Variants in COX7C observed in about 807,000 individuals in gnomAD.
The protein encoded by COX7C is cytochrome c oxidase subunit 7C.
In COX7C, 1 loss-of-function variant was observed where a neutral mutation model predicts 6.4. The observed-to-expected ratio is 0.16, with a 90% CI of 0.06 to 0.74. COX7C has a LOEUF of 0.74. Ranked by LOEUF, COX7C falls within the 30% of genes least tolerant of loss-of-function variation. COX7C has a pLI of 0.78. For synonymous variants in COX7C, 24 were observed against 28.9 expected, an observed-to-expected ratio of 0.83 and a Z score of 0.54; for missense variants, 54 against 73.7, an observed-to-expected ratio of 0.73 and a Z score of 0.98.
chr5:86,617,968 A>G lies in COX7C; in HGVS notation c.-88A>G, dbSNP rs1448899556. On this transcript the variant is annotated 5_prime_UTR_variant, in exon 1 of 3. Coordinates refer to ENST00000247655, the MANE Select transcript of COX7C (RefSeq NM_001867.3). ...TTTCAGTCCTTGCGCACCGGGGAAC[A>G]AGGTCGTGAAAAAAAAGGTCTTGGT... 9 of 1,236,404 alleles carry G rather than the reference A, an allele frequency of 7.3e-6. No homozygotes were observed. Among genetic ancestry groups the G allele is most frequent in the African/African-American group, 3.0e-5 (2 of 67,338 alleles). 76.6% of individuals were successfully genotyped at this position (1,236,404 alleles called of 1,614,324 possible). A position where few individuals can be genotyped will look rare whatever the true frequency, so the allele number is the denominator to read the frequency against.
Position 86,617,971 on chromosome 5 carries a change from G to T in COX7C, c.-85G>T. The T allele has an allele frequency of 7.8e-7, 1 of 1,281,846 alleles. No individual in the cohort carries two copies. Among genetic ancestry groups the T allele is most frequent in the South Asian group, 1.2e-5 (1 of 82,104 alleles). 79.4% of individuals were successfully genotyped at this position (1,281,846 alleles called of 1,614,324 possible). A position where few individuals can be genotyped will look rare whatever the true frequency, so the allele number is the denominator to read the frequency against. On this transcript the variant is annotated 5_prime_UTR_variant, in exon 1 of 3. Coordinates refer to ENST00000247655, the MANE Select transcript of COX7C (RefSeq NM_001867.3). ...CAGTCCTTGCGCACCGGGGAACAAG[G>T]TCGTGAAAAAAAAGGTCTTGGTGAG...
chr5:86,619,336 CTCT>C lies in COX7C; in HGVS notation c.76-15_76-13del, dbSNP rs1406881781. ...TGAGATTCAATTTCGATTACTTTTT[CTCT>C]TTTTTTCCAACAGAATTTGCCATTT... On this transcript the variant is annotated splice_polypyrimidine_tract_variant and intron_variant, in intron 1 of 2. Transcript: ENST00000247655. The C allele has an allele frequency of 2.7e-6, 4 of 1,483,800 alleles. No homozygotes were observed. Among genetic ancestry groups the C allele is most frequent in the Middle Eastern group, 2.3e-4 (1 of 4,424 alleles). 91.9% of individuals were successfully genotyped at this position (1,483,800 alleles called of 1,614,324 possible).
chr5:86,618,769 A>G (rs1750055604), intron 1 of COX7C, among the ~76,000 whole-genome samples: 1 of 152,170 alleles, frequency 6.6e-6, no homozygotes. Context: ...ACCTGAGGTC[A>G]GGAGTTCCAG....
At chr5:86,618,568 G>A (rs771560503) in intron 1 of COX7C, among the ~76,000 whole-genome samples, 9 of 152,198 alleles carry the variant, frequency 5.9e-5, no homozygotes, top group Non-Finnish European at 1.0e-4. Context: ...CTTCACCTCA[G>A]TTAAGGCTGG....
chr5:86,619,437 C>A lies in COX7C; in HGVS notation c.160C>A (p.Leu54Ile). The A allele has an allele frequency of 1.2e-6, 2 of 1,612,522 alleles. No homozygotes were observed. The highest frequency in any genetic ancestry group is 1.7e-6 in the Non-Finnish European group (2 of 1,178,598). Residue 54 changes from leucine to isoleucine, a missense_variant, in exon 2 of 3, where the codon CTT becomes ATT. Leu to Ile is a conservative substitution (Grantham distance 5). Transcript: ENST00000247655. ...YFGSAFATPF[L>I]VVRHQLLKT Reference sequence around the variant, plus strand: ...TGGATCTGCATTTGCTACACCCTTCCTTGTAGTAAGACACCAACTGCTTAA... The same window carrying A: ...TGGATCTGCATTTGCTACACCCTTCATTGTAGTAAGACACCAACTGCTTAA...
At chr5:86,618,353 C>A in intron 1 of COX7C, 1 of 516,386 alleles carries the variant, frequency 1.9e-6, no homozygotes, top group Non-Finnish European at 3.5e-6. Context: ...GCCCTGCCTC[C>A]ATCAGCCACC....
Position 86,619,466 on chromosome 5 carries a change from A to G in COX7C, c.189A>G (p.Thr63=). The G allele has an allele frequency of 6.3e-7, 1 of 1,592,194 alleles. No individual in the cohort carries two copies. Among genetic ancestry groups the G allele is most frequent in the Non-Finnish European group, 8.6e-7 (1 of 1,160,004 alleles). Residue 63 remains threonine, a synonymous_variant, in exon 2 of 3, where the codon ACA becomes ACG. Coordinates refer to ENST00000247655, the MANE Select transcript of COX7C (RefSeq NM_001867.3). ...TAGTAAGACACCAACTGCTTAAAAC[A>G]TAAGGATGTTTCAGTTCCTCCATTT... is the stretch of plus-strand genomic sequence containing the variant. ...FLVVRHQLLK[T]
chr5:86,620,589 T>G (rs1750101375), intron 2 of COX7C, 79 bp from the exon 3 acceptor site: 1 of 411,694 alleles, frequency 2.4e-6, no homozygotes, highest in Non-Finnish European at 5.1e-6. Context: ...TGATAGAAAA[T>G]ATTTTCATGA....
intron 2 of COX7C, 58 bp downstream of exon 2, chr5:86,619,554 C>T (rs1750075885): frequency 2.4e-6 from 2 of 845,174 alleles, no homozygotes; most frequent in Non-Finnish European, 2.0e-6. Flanking sequence ...TAGCCTCTTC[C>T]CCATCACCCA....
intron 2 of COX7C, chr5:86,620,224 A>G (rs995807027): frequency 6.6e-6 from 1 of 152,498 alleles, no homozygotes; most frequent in African/African-American, 2.4e-5. Flanking sequence ...ACAATGGGGC[A>G]TTTGGCAATG....
In COX7C at chr5:86,618,116, G is replaced by A. The variant is rs910595774; in HGVS notation, c.61G>A (p.Glu21Lys). ...TGTGGTCCGTAGGAGCCACTATGAGGAGGGCCCTGGGAAGGTTAGTGTGTA... is the reference window on the plus strand; with the variant it reads ...TGTGGTCCGTAGGAGCCACTATGAGAAGGGCCCTGGGAAGGTTAGTGTGTA... ...TSVVRRSHYE[E>K]GPGKNLPFSV... is the part of the protein sequence containing the mutation. The change falls in exon 1 of 3, where the codon GAG becomes AAG. Residue 21 changes from glutamate to lysine, a missense_variant. Coordinates refer to ENST00000247655, the MANE Select transcript of COX7C (RefSeq NM_001867.3). 1 of 1,614,076 alleles carries A rather than the reference G, an allele frequency of 6.2e-7. No homozygotes were observed. The highest frequency in any genetic ancestry group is 8.5e-7 in the Non-Finnish European group (1 of 1,180,028).
rs892087618 is a variant in COX7C at position 86,618,956 on chromosome 5, T to C, written c.76-397T>C. 2.8e-5 allele frequency among the ~76,000 whole-genome samples: 4 copies of C among 141,708 alleles called. No individual in the cohort carries two copies. In the Admixed American group the frequency reaches 3.0e-4, roughly 11 times the overall value. 93.0% of individuals were successfully genotyped at this position (141,708 alleles called of 152,430 possible). ...GAGATCGGGCCACTGCACTCCAGCC[T>C]GGACAGAGCGGGACTCCGTCTCAAA... is the stretch of plus-strand genomic sequence containing the variant. On this transcript the variant is annotated intron_variant, in intron 1 of 2. Coordinates refer to ENST00000247655, the MANE Select transcript of COX7C (RefSeq NM_001867.3).
chr5:86,619,176 T>G (rs912878085), intron 1 of COX7C, among the ~76,000 whole-genome samples, 177 bp from the exon 2 acceptor site: 1 of 152,168 alleles, frequency 6.6e-6, no homozygotes, highest in South Asian at 2.1e-4. Context: ...TGTAGTGTTT[T>G]GTGATGAAGG....
At position 86,617,971 on chromosome 5, in the gene COX7C, G is replaced by A; in HGVS notation, c.-85G>A. The A allele has an allele frequency of 1.6e-6, 2 of 1,281,846 alleles. No homozygotes were observed. Among genetic ancestry groups the A allele is most frequent in the African/African-American group, 1.5e-5 (1 of 68,204 alleles). 79.4% of individuals were successfully genotyped at this position (1,281,846 alleles called of 1,614,324 possible). On this transcript the variant is annotated 5_prime_UTR_variant, in exon 1 of 3. Transcript: ENST00000247655. ...CAGTCCTTGCGCACCGGGGAACAAG[G>A]TCGTGAAAAAAAAGGTCTTGGTGAG...
At chr5:86,620,494 G>A (rs1007216592) in intron 2 of COX7C, 174 bp from the exon 3 acceptor site, 15 of 244,750 alleles carry the variant, frequency 6.1e-5, no homozygotes, top group Middle Eastern at 5.0e-4. Context: ...CTACTAATGC[G>A]GAAAGGTTGC....
intron 2 of COX7C, 67 bp downstream of exon 2, chr5:86,619,563 C>T (rs1335782677): frequency 2.5e-6 from 2 of 793,176 alleles, no homozygotes; most frequent in Non-Finnish European, 4.4e-6. Flanking sequence ...CCCCATCACC[C>T]AGAACACACA....
chr5:86,620,722 C>A lies in COX7C; in HGVS notation c.*82C>A. 5.4e-6 allele frequency: 2 copies of A among 370,874 alleles called. No individual in the cohort carries two copies. Among genetic ancestry groups the A allele is most frequent in the South Asian group, 1.9e-5 (1 of 52,556 alleles). The allele number at this position is 370,874 out of a possible 1,614,324, so 23.0% of individuals were successfully genotyped here. ...TCTGGAAGTGGATCAAACTAGAACT[C>A]ATATGCCATACTAGATATGTTTGTC... On this transcript the variant is annotated 3_prime_UTR_variant, in exon 3 of 3. Transcript: ENST00000247655.
At chr5:86,619,543 G>A in intron 2 of COX7C, 47 bp downstream of exon 2, 1 of 936,882 alleles carries the variant, frequency 1.1e-6, no homozygotes. Flanking sequence ...TTTTTATTAA[G>A]TAGCCTCTTC....
At position 86,617,963 on chromosome 5, in the gene COX7C, G is replaced by T; in HGVS notation, c.-93G>T. On this transcript the variant is annotated 5_prime_UTR_variant, in exon 1 of 3. Transcript: ENST00000247655. Reference sequence around the variant, plus strand: ...TTTCTTTTCAGTCCTTGCGCACCGGGGAACAAGGTCGTGAAAAAAAAGGTC... The same window carrying T: ...TTTCTTTTCAGTCCTTGCGCACCGGTGAACAAGGTCGTGAAAAAAAAGGTC... The T allele has an allele frequency of 8.5e-7, 1 of 1,170,612 alleles. No homozygotes were observed. The highest frequency in any genetic ancestry group is 2.8e-4 in the Middle Eastern group (1 of 3,542). The allele number at this position is 1,170,612 out of a possible 1,614,324, so 72.5% of individuals were successfully genotyped here.
Sources: allele counts gnomAD v4.1 joint callset (sites outside exome capture counted in the v4.1 genomes callset), GRCh38; gene constraint gnomAD v4.1.1; transcripts MANE v1.5; gene names NCBI Gene and HGNC (gene_info 2026-07-23, HGNC 2026-07-21).